Variants in CLEC2A observed in about 807,000 individuals in gnomAD.
CLEC2A encodes keratinocyte-associated C-type lectin.
A neutral mutation model predicts 18.6 loss-of-function variants in CLEC2A; 19 were observed. The observed-to-expected ratio is 1.02, with a 90% CI of 0.71 to 1.50. The LOEUF is 1.50. Ranked by LOEUF, CLEC2A falls within the 40% of genes most tolerant of loss-of-function variation. The pLI is 0.00. For synonymous variants in CLEC2A, 74 were observed against 64.0 expected (o/e 1.16, Z -0.75); for missense variants, 190 against 207.9 (o/e 0.91, Z 0.53).
At chr12:9,902,119 C>T (rs980935626) in intron 4 of CLEC2A, among the ~76,000 whole-genome samples, 4 of 152,138 alleles carry the variant, frequency 2.6e-5, no homozygotes, top group Non-Finnish European at 5.9e-5. Flanking sequence ...TTCTTACATA[C>T]CTTGCTTGTA....
chr12:9,895,826 G>C, downstream of CLEC2A: 2 of 1,529,546 alleles, frequency 1.3e-6, no homozygotes, highest in Admixed American at 2.0e-5. Flanking sequence ...GGAACCAGTG[G>C]TGTGTAAATG....
chr12:9,882,611 C>G, the CLEC2A span, among the ~76,000 whole-genome samples: 3 of 152,088 alleles, frequency 2.0e-5, no homozygotes, highest in African/African-American at 7.2e-5. Context: ...AACCCCGTCT[C>G]TACTAAAAAT....
chr12:9,881,506 T>G, the CLEC2A span: 1 of 954,214 alleles, frequency 1.0e-6, no homozygotes, highest in Non-Finnish European at 1.6e-6. Flanking sequence ...TTTTAGTACC[T>G]TGTGCCAAAG....
chr12:9,888,683 G>T, the CLEC2A span: 1 of 1,027,088 alleles, frequency 9.7e-7, no homozygotes, highest in South Asian at 1.4e-5. Flanking sequence ...TACCTAGATT[G>T]CTATTGATTT....
At chr12:9,908,500 G>GAAAC (rs562081604), downstream of CLEC2A, among the ~76,000 whole-genome samples, 227 of 152,224 alleles carry the variant, frequency 1.5e-3, no homozygotes, top group African/African-American at 5.3e-3. Context: ...CAGATGGAGG[G>GAAAC]AAACAGAGGA....
chr12:9,912,958 A>G (rs1312079909), downstream of CLEC2A, among the ~76,000 whole-genome samples: 3 of 152,230 alleles, frequency 2.0e-5, no homozygotes, highest in East Asian at 5.8e-4. Flanking sequence ...GAAAGATCAC[A>G]GTTACCCAGG....
the CLEC2A span, chr12:9,885,152 A>G: frequency 2.9e-6 from 1 of 345,078 alleles, no homozygotes; most frequent in African/African-American, 2.1e-5. Flanking sequence ...GTCATATTAT[A>G]AAATTATATT....
chr12:9,904,748 A>G (rs535007238), intron 4 of CLEC2A, among the ~76,000 whole-genome samples: 4 of 152,160 alleles, frequency 2.6e-5, no homozygotes, highest in Admixed American at 6.5e-5. Context: ...GAGATTATCT[A>G]TAATTAGCAA....
chr12:9,885,725 T>A, the CLEC2A span, among the ~76,000 whole-genome samples: 3 of 152,006 alleles, frequency 2.0e-5, no homozygotes, highest in African/African-American at 7.2e-5. Context: ...CAAAGATATA[T>A]CCTACTTAAT....
chr12:9,907,167 G>A (rs1016481890), intron 4 of CLEC2A, among the ~76,000 whole-genome samples: 24 of 152,140 alleles, frequency 1.6e-4, no homozygotes, highest in African/African-American at 5.8e-4. Context: ...GCTGCCTGTG[G>A]CTTCCGTGTT....
intron 1 of CLEC2A, among the ~76,000 whole-genome samples, chr12:9,930,802 T>C (rs533066358): frequency 6.6e-6 from 1 of 152,222 alleles, no homozygotes; most frequent in South Asian, 2.1e-4. Flanking sequence ...CTATTTTTCA[T>C]ATCTCTCAGC....
downstream of CLEC2A, chr12:9,913,160 G>T: frequency 4.6e-6 from 1 of 219,116 alleles, no homozygotes; most frequent in Non-Finnish European, 7.7e-6. Context: ...TATTACTCTA[G>T]TCTATATAGT....
chr12:9,910,450 T>A (rs79182847), downstream of CLEC2A, among the ~76,000 whole-genome samples: 189 of 152,310 alleles, frequency 1.2e-3, 2 homozygotes, highest in Non-Finnish European at 2.0e-3. Flanking sequence ...TACTAGAGAT[T>A]TCTTGCCCTC....
chr12:9,922,973 C>T (rs1229259290), intron 2 of CLEC2A, among the ~76,000 whole-genome samples: 1 of 152,166 alleles, frequency 6.6e-6, no homozygotes, highest in Non-Finnish European at 1.5e-5. Flanking sequence ...CAGGCTACTA[C>T]ACAGGGTGTA....
intron 4 of CLEC2A, among the ~76,000 whole-genome samples, chr12:9,905,339 G>A (rs139472754): frequency 3.9e-5 from 6 of 152,270 alleles, no homozygotes; most frequent in Non-Finnish European, 5.9e-5. Context: ...TGATGAGAAC[G>A]TGATCCCTAG....
intron 1 of CLEC2A, among the ~76,000 whole-genome samples, chr12:9,927,314 A>G (rs1307022612): frequency 6.6e-6 from 1 of 152,218 alleles, no homozygotes; most frequent in African/African-American, 2.4e-5. Flanking sequence ...TGAAAATACC[A>G]TATAAAAGAT....
At chr12:9,892,580 C>CTTTTTTT in the CLEC2A span, among the ~76,000 whole-genome samples, 2 of 104,836 alleles carry the variant, frequency 1.9e-5, no homozygotes, top group Non-Finnish European at 1.8e-5. Context: ...TACAGAACTG[C>CTTTTTTT]TTTTTTTTTT....
chr12:9,891,661 A>G, the CLEC2A span, among the ~76,000 whole-genome samples: 37 of 152,274 alleles, frequency 2.4e-4, no homozygotes, highest in African/African-American at 8.7e-4. Flanking sequence ...AGTTATCCTG[A>G]ATCTTTTCAA....
chr12:9,904,379 A>G (rs190757055), intron 4 of CLEC2A, among the ~76,000 whole-genome samples: 228 of 152,334 alleles, frequency 1.5e-3, no homozygotes, highest in African/African-American at 5.3e-3. Flanking sequence ...CCTGCAGTGC[A>G]CGCAAGTGTA....
Sources: gnomAD v4.1 joint callset for allele counts (sites outside exome capture counted in the v4.1 genomes callset) on GRCh38, gnomAD v4.1.1 for gene constraint, MANE v1.5 for transcripts, NCBI Gene and HGNC (gene_info 2026-07-23, HGNC 2026-07-21) for gene names.